The following YEATS2 variants were observed in gnomAD, a reference collection of about 807,000 sequenced individuals.
YEATS2 encodes YEATS domain-containing protein 2.
Under a neutral mutation model 163.2 loss-of-function variants are expected in YEATS2, and 77 were observed. The ratio of observed to expected loss-of-function variants is 0.47; its 90% CI spans 0.39 to 0.57. The LOEUF (loss-of-function observed/expected upper bound fraction) is 0.57. Ranked by LOEUF, YEATS2 falls within the 20% of genes least tolerant of loss-of-function variation. The probability of loss-of-function intolerance (pLI) is 0.00; values close to 1 mark genes in which losing one functional copy is unlikely to be tolerated. For synonymous variants in YEATS2, 631 were observed against 645.1 expected, an observed-to-expected ratio of 0.98 and a Z score of 0.33; for missense variants, 1,549 against 1,729.8, an observed-to-expected ratio of 0.90 and a Z score of 1.85.
At chr3:183,777,840 C>T (rs1723150315) in intron 19 of YEATS2, 140 bp downstream of exon 19, 3 of 1,221,246 alleles carry the variant, frequency 2.5e-6, no homozygotes, top group Non-Finnish European at 2.2e-6. Context: ...TGGTCGCTCA[C>T]GTCTGTAATC....
At chr3:183,793,075 G>A (rs544590348) in intron 21 of YEATS2, 32 of 1,176,608 alleles carry the variant, frequency 2.7e-5, no homozygotes, top group Middle Eastern at 2.2e-4. Context: ...CAGCACTATC[G>A]AACTGTTAAA....
intron 19 of YEATS2, among the ~76,000 whole-genome samples, chr3:183,781,771 C>T (rs573766145): frequency 3.3e-5 from 5 of 152,184 alleles, no homozygotes; most frequent in Admixed American, 2.6e-4. Flanking sequence ...GCCATGGTGG[C>T]ACATGCCTGT....
chr3:183,705,135 C>T (rs1714493237), intron 1 of YEATS2, among the ~76,000 whole-genome samples: 1 of 152,038 alleles, frequency 6.6e-6, no homozygotes, highest in South Asian at 2.1e-4. Context: ...CTGCAGGCTC[C>T]ATCTCCTGGG....
intron 19 of YEATS2, among the ~76,000 whole-genome samples, chr3:183,782,725 G>A (rs773918819): frequency 6.6e-6 from 1 of 152,106 alleles, no homozygotes; most frequent in Admixed American, 6.6e-5. Context: ...CACCCAGCCA[G>A]AGTGATTCTA....
intron 1 of YEATS2, among the ~76,000 whole-genome samples, chr3:183,702,219 T>C (rs1233304243): frequency 6.6e-6 from 1 of 151,726 alleles, no homozygotes; most frequent in Non-Finnish European, 1.5e-5. Flanking sequence ...CCAAGGCGGG[T>C]GGATCATTTG....
intron 13 of YEATS2, 32 bp downstream of exon 13, chr3:183,758,997 T>C: frequency 7.4e-7 from 1 of 1,351,116 alleles, no homozygotes; most frequent in Admixed American, 2.5e-5. Flanking sequence ...TACACTTTGC[T>C]AGCTTCTTTT....
At chr3:183,767,610 T>G (rs939481565) in intron 15 of YEATS2, among the ~76,000 whole-genome samples, 2 of 152,196 alleles carry the variant, frequency 1.3e-5, no homozygotes, top group African/African-American at 4.8e-5. Flanking sequence ...CTCAAACTTC[T>G]GACCTTGTGA....
chr3:183,780,027 T>C (rs1723414938), intron 19 of YEATS2, among the ~76,000 whole-genome samples: 1 of 151,594 alleles, frequency 6.6e-6, no homozygotes, highest in East Asian at 1.9e-4. Context: ...TTTAATTTTT[T>C]ATCTTTCTGA....
At chr3:183,769,265 A>G (rs1722217465) in intron 15 of YEATS2, among the ~76,000 whole-genome samples, 1 of 78,944 alleles carries the variant, frequency 1.3e-5, no homozygotes, top group Non-Finnish European at 2.4e-5. Flanking sequence ...CCCATGTTGT[A>G]TAATTCACTC....
At chr3:183,724,596 T>G in intron 6 of YEATS2, 65 bp downstream of exon 6, 3 of 1,114,464 alleles carry the variant, frequency 2.7e-6, no homozygotes, top group Non-Finnish European at 3.9e-6. Flanking sequence ...ATTAATACTC[T>G]TACAGTGTTA....
At chr3:183,729,135 G>A (rs941226178) in intron 7 of YEATS2, among the ~76,000 whole-genome samples, 2 of 152,140 alleles carry the variant, frequency 1.3e-5, no homozygotes, top group African/African-American at 2.4e-5. Context: ...AGCTGGGCGT[G>A]GTGGCGGGCG....
At chr3:183,794,296 T>C (rs555940759) in intron 21 of YEATS2, among the ~76,000 whole-genome samples, 2 of 152,262 alleles carry the variant, frequency 1.3e-5, no homozygotes, top group South Asian at 4.1e-4. Flanking sequence ...CAAGGATTTT[T>C]CCCAGAAGTG....
chr3:183,709,962 G>C (rs995628264), intron 1 of YEATS2, among the ~76,000 whole-genome samples: 2 of 152,086 alleles, frequency 1.3e-5, no homozygotes, highest in Non-Finnish European at 1.5e-5. Context: ...TTACAGGCGT[G>C]AGCCACCATG....
In YEATS2 at chr3:183,728,803, G is replaced by T; in HGVS notation, c.764G>T (p.Trp255Leu). 1 of 1,614,112 alleles carries T rather than the reference G, an allele frequency of 6.2e-7. No homozygotes were observed. Among genetic ancestry groups the T allele is most frequent in the Non-Finnish European group, 8.5e-7 (1 of 1,180,008 alleles). Residue 255 changes from tryptophan to leucine, a missense_variant, in exon 7 of 31, where the codon TGG (tryptophan) becomes TTG (leucine). Coordinates refer to ENST00000305135, the MANE Select transcript of YEATS2 (RefSeq NM_018023.5). ...ATTAATCATTTTGTCAAGAAGGTTT[G>T]GTTCTTCCTTCATCCTAGCTATAAA... ...PSINHFVKKV[W>L]FFLHPSYKPN...
chr3:183,745,989 G>T (rs1238730275), intron 8 of YEATS2, among the ~76,000 whole-genome samples: 2 of 152,130 alleles, frequency 1.3e-5, no homozygotes, highest in Non-Finnish European at 2.9e-5. Flanking sequence ...GCGCCACCAT[G>T]CCTGGCTAAT....
In YEATS2 at chr3:183,717,759, G is replaced by A. The variant is rs761902711; in HGVS notation, c.198+11G>A. 3.4e-6 allele frequency: 5 copies of A among 1,461,798 alleles called. No homozygotes were observed. Among genetic ancestry groups the A allele is most frequent in the Admixed American group, 2.7e-5 (1 of 37,688 alleles). 90.6% of individuals were successfully genotyped at this position (1,461,798 alleles called of 1,614,324 possible). A position where few individuals can be genotyped will look rare whatever the true frequency, so the allele number is the denominator to read the frequency against. On this transcript the variant is annotated intron_variant, in intron 3 of 30. Transcript: ENST00000305135. ...GAAGTCATTGACCAGGTATAATGAT[G>A]ATAAATTGAAATAAACACCAAAGCT...
rs1283432086 is a variant in YEATS2, at chr3:183,760,313, A to AGTTTTTT, written c.1657-1194_1657-1193insGTTTTTT. 1.8e-5 allele frequency among the ~76,000 whole-genome samples: 2 copies of AGTTTTTT among 110,314 alleles called. 1 individual carries two copies. 72.4% of individuals were successfully genotyped at this position (110,314 alleles called of 152,430 possible). On this transcript the variant is annotated intron_variant, in intron 13 of 30. Transcript: ENST00000305135. ...TTGAGAATTAAAGAGAAACTACAGA[A>AGTTTTTT]TTTTTTTTTTTTTTTTTTTTTTTTT...
At chr3:183,775,765 G>T in intron 17 of YEATS2, 150 bp from the exon 18 acceptor site, 1 of 1,147,598 alleles carries the variant, frequency 8.7e-7, no homozygotes, top group Non-Finnish European at 1.3e-6. Flanking sequence ...CTTGTCACAG[G>T]GTAGGTAGAT....
At chr3:183,807,231 A>G (rs1481412266) in intron 28 of YEATS2, 139 bp downstream of exon 28, 5 of 758,962 alleles carry the variant, frequency 6.6e-6, no homozygotes, top group Non-Finnish European at 1.1e-5. Flanking sequence ...GGTGCCGTAG[A>G]TGCTTGACTT....
Sources: gnomAD v4.1 joint callset for allele counts (sites outside exome capture counted in the v4.1 genomes callset) on GRCh38, gnomAD v4.1.1 for gene constraint, MANE v1.5 for transcripts, NCBI Gene and HGNC (gene_info 2026-07-23, HGNC 2026-07-21) for gene names.